EIPR1: variants seen among roughly 807,000 people sequenced by gnomAD.
EIPR1 encodes EARP and GARP complex-interacting protein 1.
Under a neutral mutation model 48.1 loss-of-function variants are expected in EIPR1, and 25 were observed. That is an observed-to-expected ratio of 0.52 (90% CI 0.38 to 0.73). The LOEUF (loss-of-function observed/expected upper bound fraction) is 0.73, where lower values mean the gene tolerates loss of function less well. EIPR1 is among the 30% of genes least tolerant of loss of function. The probability of loss-of-function intolerance (pLI) is 0.00; values close to 1 mark genes in which losing one functional copy is unlikely to be tolerated. For missense variants in EIPR1, 415 were observed against 506.2 expected, an observed-to-expected ratio of 0.82 and a Z score of 1.73; for synonymous variants, 204 against 201.9, an observed-to-expected ratio of 1.01 and a Z score of -0.09.
At chr2:3,228,663 C>T (rs538228459) in intron 4 of EIPR1, among the ~76,000 whole-genome samples, 8 of 152,184 alleles carry the variant, frequency 5.3e-5, no homozygotes, top group Non-Finnish European at 8.8e-5. Flanking sequence ...GATTATAATC[C>T]CCACAACCCC....
In EIPR1 at chr2:3,311,371, T is replaced by TA. The variant is rs541781593; in HGVS notation, c.259+26645dup. 9.9e-5 allele frequency among the ~76,000 whole-genome samples: 15 copies of TA among 151,442 alleles called. No individual in the cohort carries two copies. The South Asian group carries it at 2.1e-3, about 21-fold the overall frequency. On this transcript the variant is annotated intron_variant, in intron 3 of 8. Transcript: ENST00000382125. ...TTCCAGAAATGATTTCTTTTCACAT[T>TA]AAAAAAAAATATTTTTAGAAAGTAA...
Position 3,294,921 on chromosome 2 carries a change from A to ACC in EIPR1, c.260-37468_260-37467dup, listed in dbSNP as rs1238833698. Among the ~76,000 whole-genome samples, 3 of 111,008 alleles carry ACC rather than the reference A, an allele frequency of 2.7e-5. 1 individual carries two copies. The highest frequency in any genetic ancestry group is 1.8e-5 in the Non-Finnish European group (1 of 54,580). 72.8% of individuals were successfully genotyped at this position (111,008 alleles called of 152,430 possible). ...CAGCCCATTCTCTCCCTGCACACACACCCGCCATCCAGCCCATCCTCTCTA... is the reference window on the plus strand; with the variant it reads ...CAGCCCATTCTCTCCCTGCACACACACCCCCGCCATCCAGCCCATCCTCTCTA... On this transcript the variant is annotated intron_variant, in intron 3 of 8. Transcript: ENST00000382125.
At chr2:3,227,822 G>A (rs533423800) in intron 4 of EIPR1, among the ~76,000 whole-genome samples, 1 of 152,256 alleles carries the variant, frequency 6.6e-6, no homozygotes, top group African/African-American at 2.4e-5. Flanking sequence ...TATAGCTCAG[G>A]CCATTGCTTC....
At chr2:3,203,590 G>A (rs1176581482) in intron 5 of EIPR1, among the ~76,000 whole-genome samples, 3 of 152,240 alleles carry the variant, frequency 2.0e-5, no homozygotes, top group Non-Finnish European at 4.4e-5. Context: ...AGGTGAAGCT[G>A]TGACATGAGG....
At chr2:3,291,280 T>C (rs1668356943) in intron 3 of EIPR1, among the ~76,000 whole-genome samples, 1 of 152,206 alleles carries the variant, frequency 6.6e-6, no homozygotes, top group Admixed American at 6.5e-5. Context: ...TCATCCTATA[T>C]GAAGAGTACA....
chr2:3,215,017 GCCCTC>G (rs1405889610), intron 4 of EIPR1, among the ~76,000 whole-genome samples: 24 of 152,318 alleles, frequency 1.6e-4, no homozygotes, highest in Admixed American at 1.4e-3. Context: ...CAGTAAGAGA[GCCCTC>G]ACCAGGAAAT....
chr2:3,223,217 C>G (rs942542107), intron 4 of EIPR1, among the ~76,000 whole-genome samples: 13 of 152,200 alleles, frequency 8.5e-5, no homozygotes, highest in Non-Finnish European at 2.9e-5. Context: ...GGTCGAAACA[C>G]CACTTCCTCC....
In EIPR1 at chr2:3,199,922, TG is replaced by T. The variant is rs1161823051; in HGVS notation, c.517-2906del. Among the ~76,000 whole-genome samples, 7 of 24,652 alleles carry T rather than the reference TG, an allele frequency of 2.8e-4. No individual in the cohort carries two copies. The South Asian group carries it at 5.1e-3, about 18-fold the overall frequency. 16.2% of individuals were successfully genotyped at this position (24,652 alleles called of 152,430 possible). A position where few individuals can be genotyped will look rare whatever the true frequency, so the allele number is the denominator to read the frequency against. ...GGGTGTGTCTGCATCTGGGCACACA[TG>T]GGGGGGTGTCCACATCTGGGCACGC... On this transcript the variant is annotated intron_variant, in intron 5 of 8. Coordinates refer to ENST00000382125, the MANE Select transcript of EIPR1 (RefSeq NM_003310.5).
intron 3 of EIPR1, among the ~76,000 whole-genome samples, chr2:3,295,759 C>T (rs1453056453): frequency 1.5e-5 from 2 of 136,210 alleles, no homozygotes; most frequent in African/African-American, 5.6e-5. Flanking sequence ...CCAGCCCGTC[C>T]TCTCTCTGCA....
At chr2:3,318,816 T>C (rs555878474) in intron 3 of EIPR1, 2 of 468,630 alleles carry the variant, frequency 4.3e-6, no homozygotes, top group Non-Finnish European at 8.9e-6. Flanking sequence ...CACCCCAAAC[T>C]CAGGAGGGGT....
At chr2:3,279,785 A>G (rs550841418) in intron 3 of EIPR1, among the ~76,000 whole-genome samples, 7 of 152,240 alleles carry the variant, frequency 4.6e-5, no homozygotes, top group African/African-American at 1.2e-4. Context: ...AACCAACACC[A>G]TGATGCGAAG....
intron 3 of EIPR1, among the ~76,000 whole-genome samples, chr2:3,330,517 A>C (rs1272234721): frequency 8.4e-6 from 1 of 118,846 alleles, no homozygotes; most frequent in Non-Finnish European, 2.0e-5. Context: ...GTGTGAGAAG[A>C]GGCAGACACA....
At chr2:3,358,150 CA>C (rs1166121166) in intron 1 of EIPR1, among the ~76,000 whole-genome samples, 19 of 152,118 alleles carry the variant, frequency 1.2e-4, no homozygotes, top group Non-Finnish European at 2.6e-4. Flanking sequence ...CAGTCACATC[CA>C]ACTCTTACGT....
intron 1 of EIPR1, chr2:3,377,302 T>C (rs551808832): frequency 3.3e-6 from 1 of 302,036 alleles, no homozygotes; most frequent in South Asian, 1.4e-4. Flanking sequence ...ATTTTTATTT[T>C]AAACAACATA....
chr2:3,363,065 A>G (rs2103385148), intron 1 of EIPR1, among the ~76,000 whole-genome samples: 1 of 152,320 alleles, frequency 6.6e-6, no homozygotes, highest in East Asian at 1.9e-4. Flanking sequence ...GGCTTGGGGT[A>G]AATGACAGCT....
At chr2:3,362,998 T>C (rs927111544) in intron 1 of EIPR1, among the ~76,000 whole-genome samples, 15 of 152,316 alleles carry the variant, frequency 9.8e-5, no homozygotes, top group African/African-American at 3.6e-4. Flanking sequence ...TTCTGGCTCT[T>C]CAAGCTAAGG....
chr2:3,257,745 T>C (rs1667206407), intron 3 of EIPR1, among the ~76,000 whole-genome samples: 1 of 152,162 alleles, frequency 6.6e-6, no homozygotes, highest in African/African-American at 2.4e-5. Context: ...TTCCTTCCGT[T>C]CTTCTTCAAT....
chr2:3,303,696 G>C (rs183477860), intron 3 of EIPR1, among the ~76,000 whole-genome samples: 27 of 152,324 alleles, frequency 1.8e-4, no homozygotes, highest in African/African-American at 5.5e-4. Flanking sequence ...CCAGACGCCG[G>C]CAACCTGACT....
In EIPR1 at chr2:3,196,793, G is replaced by A. The variant is rs928669076; in HGVS notation, c.653+88C>T. The A allele has an allele frequency of 4.6e-6, 7 of 1,519,970 alleles. No individual in the cohort carries two copies. In the Admixed American group the frequency reaches 6.2e-5, roughly 14 times the overall value. The allele number at this position is 1,519,970 out of a possible 1,614,324, so 94.2% of individuals were successfully genotyped here. On this transcript the variant is annotated intron_variant, in intron 6 of 8. Coordinates refer to ENST00000382125, the MANE Select transcript of EIPR1 (RefSeq NM_003310.5). ...ACAAACCATGCGCCCCCAAAGGCAT[G>A]TGGCTCACCATCAGCTCCACCATCA...
Sources: gnomAD v4.1 joint callset for allele counts (sites outside exome capture counted in the v4.1 genomes callset) on GRCh38, gnomAD v4.1.1 for gene constraint, MANE v1.5 for transcripts, NCBI Gene and HGNC (gene_info 2026-07-23, HGNC 2026-07-21) for gene names.